ARIH1: variants seen among roughly 807,000 people sequenced by gnomAD.
ARIH1 encodes E3 ubiquitin-protein ligase ARIH1.
A neutral mutation model predicts 85.0 loss-of-function variants in ARIH1; 8 were observed. That is an observed-to-expected ratio of 0.09 (90% CI 0.06 to 0.17). The LOEUF (loss-of-function observed/expected upper bound fraction) is 0.17. Among genes scored for constraint, ARIH1 ranks in the 10% least tolerant of loss-of-function variants. ARIH1 has a pLI of 1.00. For synonymous variants in ARIH1, 238 were observed against 253.6 expected, an observed-to-expected ratio of 0.94 and a Z score of 0.59; for missense variants, 311 against 718.1, an observed-to-expected ratio of 0.43 and a Z score of 6.48.
At chr15:72,503,882 C>G (rs1209184063) in intron 1 of ARIH1, among the ~76,000 whole-genome samples, 1 of 152,148 alleles carries the variant, frequency 6.6e-6, no homozygotes, top group Non-Finnish European at 1.5e-5. Flanking sequence ...TGCGATGGCA[C>G]CCAGGTTGGG....
At chr15:72,506,851 T>G (rs2063928022) in intron 1 of ARIH1, among the ~76,000 whole-genome samples, 1 of 152,062 alleles carries the variant, frequency 6.6e-6, no homozygotes, top group African/African-American at 2.4e-5. Context: ...TTTTTGTTTT[T>G]TTTGTTTGTT....
chr15:72,564,126 T>C (rs2064209012), intron 7 of ARIH1, among the ~76,000 whole-genome samples: 1 of 152,224 alleles, frequency 6.6e-6, no homozygotes. Context: ...TTATTTCCTT[T>C]TGATGAACAG....
chr15:72,513,355 C>G (rs1020083833), intron 1 of ARIH1, among the ~76,000 whole-genome samples: 1 of 152,086 alleles, frequency 6.6e-6, no homozygotes, highest in Non-Finnish European at 1.5e-5. Context: ...TCTTGACATT[C>G]TAGTTAAGGT....
intron 1 of ARIH1, among the ~76,000 whole-genome samples, chr15:72,504,040 G>A (rs2063914354): frequency 6.6e-6 from 1 of 152,162 alleles, no homozygotes; most frequent in Non-Finnish European, 1.5e-5. Flanking sequence ...CAAAGGGCCA[G>A]TGTGATAGCC....
chr15:72,509,013 A>T (rs1442186922), intron 1 of ARIH1, among the ~76,000 whole-genome samples: 3 of 125,346 alleles, frequency 2.4e-5, no homozygotes, highest in African/African-American at 6.3e-5. Flanking sequence ...TTTTTTTGAG[A>T]CTGAGTCTTG....
chr15:72,509,461 A>G (rs1330972525), intron 1 of ARIH1, among the ~76,000 whole-genome samples: 4 of 152,206 alleles, frequency 2.6e-5, no homozygotes, highest in Non-Finnish European at 5.9e-5. Flanking sequence ...GTTAATTTAC[A>G]GAACAGTTTC....
At chr15:72,565,579 GATTA>G (rs1228965436) in intron 7 of ARIH1, among the ~76,000 whole-genome samples, 1 of 152,072 alleles carries the variant, frequency 6.6e-6, no homozygotes, top group Non-Finnish European at 1.5e-5. Context: ...TTTCGATAAA[GATTA>G]ATTATGTATT....
chr15:72,550,669 C>CAT (rs1235927669), intron 3 of ARIH1, among the ~76,000 whole-genome samples: 3 of 151,860 alleles, frequency 2.0e-5, no homozygotes, highest in African/African-American at 7.3e-5. Flanking sequence ...TGATACACTT[C>CAT]ATATATATAT....
chr15:72,474,607 G>T lies in ARIH1; in HGVS notation c.-33G>T. 1 of 1,498,008 alleles carries T rather than the reference G, an allele frequency of 6.7e-7. No homozygotes were observed. The allele number at this position is 1,498,008 out of a possible 1,614,324, so 92.8% of individuals were successfully genotyped here. ...GCGTCCCCGCCCTCTCCCCGCCTCG[G>T]CCAGCGTCCGCCGGGCCCCCGCGCG... On this transcript the variant is annotated 5_prime_UTR_variant, in exon 1 of 14. Coordinates refer to ENST00000379887, the MANE Select transcript of ARIH1 (RefSeq NM_005744.5).
intron 3 of ARIH1, among the ~76,000 whole-genome samples, chr15:72,554,905 C>A (rs1046720603): frequency 6.6e-6 from 1 of 152,172 alleles, no homozygotes; most frequent in Non-Finnish European, 1.5e-5. Context: ...AGGCGTGCGT[C>A]ATGATGGCTG....
At chr15:72,546,517 C>G (rs1225400912) in intron 3 of ARIH1, among the ~76,000 whole-genome samples, 1 of 151,708 alleles carries the variant, frequency 6.6e-6, no homozygotes, top group Non-Finnish European at 1.5e-5. Flanking sequence ...TTTGAGACGG[C>G]CTTGCTCTGT....
chr15:72,486,694 C>CTTTTT lies in ARIH1; in HGVS notation c.375+11697_375+11701dup, dbSNP rs34770375. On this transcript the variant is annotated intron_variant, in intron 1 of 13. Transcript: ENST00000379887. ...TTTTTTTTTTCATTTTTAAAAATGACTTTTTTTTTTTTTTTTTTTTTGAGA... is the reference window on the plus strand; with the variant it reads ...TTTTTTTTTTCATTTTTAAAAATGACTTTTTTTTTTTTTTTTTTTTTTTTTTGAGA... 4.1e-4 allele frequency among the ~76,000 whole-genome samples: 38 copies of CTTTTT among 92,868 alleles called. 1 individual carries two copies. The highest frequency in any genetic ancestry group is 6.9e-4 in the Admixed American group (4 of 5,782). The allele number at this position is 92,868 out of a possible 152,430, so 60.9% of individuals were successfully genotyped here.
intron 9 of ARIH1, among the ~76,000 whole-genome samples, chr15:72,567,675 C>G (rs912260336): frequency 6.6e-6 from 1 of 152,060 alleles, no homozygotes; most frequent in African/African-American, 2.4e-5. Flanking sequence ...TCTTGAGTAC[C>G]CTTCTCCTCG....
intron 1 of ARIH1, among the ~76,000 whole-genome samples, chr15:72,480,406 C>T (rs1242756815): frequency 6.6e-6 from 1 of 151,712 alleles, no homozygotes; most frequent in Non-Finnish European, 1.5e-5. Flanking sequence ...GGATTACAGG[C>T]ACGCGCCACC....
At chr15:72,528,949 C>T (rs2064042739) in intron 2 of ARIH1, among the ~76,000 whole-genome samples, 1 of 152,102 alleles carries the variant, frequency 6.6e-6, no homozygotes, top group Non-Finnish European at 1.5e-5. Flanking sequence ...GCCTGTAATC[C>T]CAGCACTTTG....
chr15:72,594,817 T>C lies in ARIH1; in HGVS notation c.*11525T>C, dbSNP rs2064357237. 1 of 126,932 alleles carries C rather than the reference T, an allele frequency of 7.9e-6. No homozygotes were observed. The highest frequency in any genetic ancestry group is 1.6e-5 in the Non-Finnish European group (1 of 61,196). 7.9% of individuals were successfully genotyped at this position (126,932 alleles called of 1,614,324 possible). A position where few individuals can be genotyped will look rare whatever the true frequency, so the allele number is the denominator to read the frequency against. ...TGATTTTATGCCTTTTCTTCTTTTT[T>C]TTTTTTTTTTTTTTTTTTTTTGTCT... is the stretch of plus-strand genomic sequence containing the variant. On this transcript the variant is annotated 3_prime_UTR_variant, in exon 14 of 14. Coordinates refer to ENST00000379887, the MANE Select transcript of ARIH1 (RefSeq NM_005744.5).
intron 2 of ARIH1, among the ~76,000 whole-genome samples, chr15:72,521,564 A>AT (rs2064000053): frequency 6.7e-6 from 1 of 149,632 alleles, no homozygotes; most frequent in Admixed American, 6.7e-5. Context: ...TTTTTTTAAG[A>AT]TGGAGTCTTG....
chr15:72,485,945 T>C (rs1217381029), intron 1 of ARIH1, among the ~76,000 whole-genome samples: 1 of 152,222 alleles, frequency 6.6e-6, no homozygotes, highest in Admixed American at 6.5e-5. Context: ...AGTGACTGGA[T>C]CCTTTGGGGC....
At chr15:72,545,203 C>A (rs2064123577) in intron 3 of ARIH1, among the ~76,000 whole-genome samples, 1 of 152,112 alleles carries the variant, frequency 6.6e-6, no homozygotes, top group African/African-American at 2.4e-5. Context: ...CATTTATAGA[C>A]CTAAATCTTT....
Sources: allele counts gnomAD v4.1 joint callset (sites outside exome capture counted in the v4.1 genomes callset), GRCh38; gene constraint gnomAD v4.1.1; transcripts MANE v1.5; gene names NCBI Gene and HGNC (gene_info 2026-07-23, HGNC 2026-07-21).